The following BTBD1 variants were observed in gnomAD, a reference collection of about 807,000 sequenced individuals.
The protein encoded by BTBD1 is BTB/POZ domain-containing protein 1.
A neutral mutation model predicts 48.0 loss-of-function variants in BTBD1; 34 were observed. The ratio of observed to expected loss-of-function variants is 0.71; its 90% CI spans 0.54 to 0.94. BTBD1 has a LOEUF of 0.94. BTBD1 is among the 40% of genes least tolerant of loss of function. The pLI, the probability that BTBD1 is intolerant of heterozygous loss-of-function variation, is 0.00. For missense variants in BTBD1, 543 were observed against 625.6 expected (o/e 0.87, Z 1.41); for synonymous variants, 261 against 242.1 (o/e 1.08, Z -0.72).
intron 4 of BTBD1, among the ~76,000 whole-genome samples, chr15:83,034,698 A>T (rs1235073352): frequency 6.6e-6 from 1 of 151,802 alleles, no homozygotes; most frequent in East Asian, 1.9e-4. Flanking sequence ...AATTCAATAT[A>T]AAAAAAAATC....
At chr15:83,052,130 A>T (rs2032999597) in intron 2 of BTBD1, among the ~76,000 whole-genome samples, 1 of 151,954 alleles carries the variant, frequency 6.6e-6, no homozygotes, top group South Asian at 2.1e-4. Context: ...CTAATCTTTG[A>T]ATTTTTAATA....
chr15:83,046,054 G>A (rs1172686279), intron 3 of BTBD1, among the ~76,000 whole-genome samples: 6 of 151,994 alleles, frequency 3.9e-5, no homozygotes, highest in African/African-American at 1.4e-4. Context: ...GCTATAAAAA[G>A]CTCCTGAAGC....
intron 1 of BTBD1, among the ~76,000 whole-genome samples, chr15:83,060,038 TG>T (rs1294232774): frequency 6.6e-6 from 1 of 152,236 alleles, no homozygotes; most frequent in Admixed American, 6.5e-5. Flanking sequence ...AAAGGATCTC[TG>T]TGTATCTTAT....
At chr15:83,040,000 C>G (rs1286658867) in intron 4 of BTBD1, among the ~76,000 whole-genome samples, 1 of 150,116 alleles carries the variant, frequency 6.7e-6, no homozygotes, top group East Asian at 1.9e-4. Context: ...CACACACACA[C>G]ACACACACAC....
intron 2 of BTBD1, among the ~76,000 whole-genome samples, chr15:83,054,826 C>A (rs1277516240): frequency 1.3e-5 from 2 of 152,078 alleles, no homozygotes; most frequent in African/African-American, 2.4e-5. Flanking sequence ...TCCCAAAGTG[C>A]TGGGATTACA....
chr15:83,022,637 G>A (rs937650740), intron 5 of BTBD1: 1 of 151,528 alleles, frequency 6.6e-6, no homozygotes, highest in African/African-American at 2.4e-5. Context: ...GTGCCAGCCT[G>A]GGCAACAGAG....
intron 4 of BTBD1, among the ~76,000 whole-genome samples, chr15:83,040,677 G>A (rs2032735099): frequency 7.4e-6 from 1 of 134,620 alleles, no homozygotes; most frequent in South Asian, 2.4e-4. Flanking sequence ...TCCAGCCTGA[G>A]CAACAGAGGG....
chr15:83,034,249 GC>G (rs1267142208), intron 4 of BTBD1, among the ~76,000 whole-genome samples: 1 of 152,048 alleles, frequency 6.6e-6, no homozygotes, highest in African/African-American at 2.4e-5. Context: ...ATAATGTAAG[GC>G]TAAAAGTAAA....
rs376123965 is a variant in BTBD1, at chr15:83,018,746, G to C, written c.1251C>G (p.Ile417Met). The C allele has an allele frequency of 6.2e-7, 1 of 1,614,010 alleles. No individual in the cohort carries two copies. Among genetic ancestry groups the C allele is most frequent in the Non-Finnish European group, 8.5e-7 (1 of 1,180,022 alleles). ...FRVMFKEPIE[I>M]LPNVCYTACA... ...ATGCTGTGTAGCACACATTGGGCAGGATCTCTATGGGTTCCTTGAACATGA... is the reference window on the plus strand; with the variant it reads ...ATGCTGTGTAGCACACATTGGGCAGCATCTCTATGGGTTCCTTGAACATGA... Residue 417 changes from isoleucine (I) to methionine (M), a missense_variant, in exon 7 of 8, where the codon ATC becomes ATG. Physicochemically the swap from Ile to Met is conservative, Grantham distance 10 (BLOSUM62 1). This residue lies in a region of BTBD1 where 300 missense variants were observed against 350.0 expected (regional missense o/e 0.86). Coordinates refer to ENST00000261721, the MANE Select transcript of BTBD1 (RefSeq NM_025238.4).
At chr15:83,036,538 C>A (rs577086126) in intron 4 of BTBD1, among the ~76,000 whole-genome samples, 1 of 152,226 alleles carries the variant, frequency 6.6e-6, no homozygotes, top group South Asian at 2.1e-4. Flanking sequence ...CTACTAAAGC[C>A]GACCATATGC....
At chr15:83,040,615 G>A (rs575753073) in intron 4 of BTBD1, among the ~76,000 whole-genome samples, 4 of 149,178 alleles carry the variant, frequency 2.7e-5, no homozygotes, top group East Asian at 2.0e-4. Flanking sequence ...TGTGAGAATC[G>A]CTTGAACCCA....
intron 1 of BTBD1, among the ~76,000 whole-genome samples, chr15:83,064,980 T>C (rs76934136): frequency 0.023 from 3,432 of 152,342 alleles, 58 homozygotes; most frequent in Middle Eastern, 0.041. Context: ...CATTTTGGTA[T>C]GTTTCCTTTT....
intron 2 of BTBD1, among the ~76,000 whole-genome samples, chr15:83,051,593 T>C (rs1186583971): frequency 1.3e-5 from 2 of 151,370 alleles, no homozygotes; most frequent in Non-Finnish European, 2.9e-5. Flanking sequence ...TACAATAATT[T>C]GCTTTGTCAA....
At chr15:83,023,784 C>T (rs548757120) in intron 5 of BTBD1, among the ~76,000 whole-genome samples, 1 of 152,190 alleles carries the variant, frequency 6.6e-6, no homozygotes, top group South Asian at 2.1e-4. Context: ...GATCATTTTT[C>T]TCTCACTCTT....
At chr15:83,054,113 T>C (rs1232613944) in intron 2 of BTBD1, among the ~76,000 whole-genome samples, 1 of 152,134 alleles carries the variant, frequency 6.6e-6, no homozygotes, top group Non-Finnish European at 1.5e-5. Flanking sequence ...CCAAGGCAGG[T>C]GGATCACTTG....
chr15:83,040,997 A>T (rs566483772), intron 4 of BTBD1, among the ~76,000 whole-genome samples: 11 of 151,890 alleles, frequency 7.2e-5, no homozygotes, highest in East Asian at 2.0e-4. Context: ...AAAAAAAATT[A>T]AAAAATTAGC....
Position 83,018,242 on chromosome 15 carries a change from G to C in BTBD1, c.1291-17C>G. On this transcript the variant is annotated splice_polypyrimidine_tract_variant and intron_variant, in intron 7 of 7. Transcript: ENST00000261721. ...ATCTGGACCCTAAATGAGAACAAAA[G>C]GTTCCTTAGTAATTTTCATTTAATA... The C allele has an allele frequency of 6.5e-7, 1 of 1,532,230 alleles. No individual in the cohort carries two copies. Among genetic ancestry groups the C allele is most frequent in the Non-Finnish European group, 8.8e-7 (1 of 1,140,380 alleles). 94.9% of individuals were successfully genotyped at this position (1,532,230 alleles called of 1,614,324 possible).
chr15:83,031,171 A>G (rs2032508397), intron 4 of BTBD1, among the ~76,000 whole-genome samples: 1 of 152,196 alleles, frequency 6.6e-6, no homozygotes, highest in African/African-American at 2.4e-5. Flanking sequence ...CTATTTCTCC[A>G]CATCCTCTCC....
intron 2 of BTBD1, among the ~76,000 whole-genome samples, chr15:83,050,454 G>A (rs1486218768): frequency 6.6e-6 from 1 of 151,622 alleles, no homozygotes; most frequent in Admixed American, 6.6e-5. Flanking sequence ...GTGTGTGTGT[G>A]TGTGTGTGTG....
Sources: allele counts gnomAD v4.1 joint callset (sites outside exome capture counted in the v4.1 genomes callset), GRCh38; gene constraint gnomAD v4.1.1; regional missense constraint gnomAD v4.1.1; transcripts MANE v1.5; gene names NCBI Gene and HGNC (gene_info 2026-07-23, HGNC 2026-07-21).